ROBO1: variants seen among roughly 807,000 people sequenced by gnomAD.
ROBO1 encodes the protein roundabout homolog 1.
In ROBO1, 149 loss-of-function variants were observed where a neutral mutation model predicts 195.9. The ratio of observed to expected loss-of-function variants is 0.76; its 90% confidence interval spans 0.67 to 0.87. The LOEUF is 0.87. Among genes scored for constraint, ROBO1 ranks in the 40% least tolerant of loss-of-function variants. The pLI is 0.00. For missense variants in ROBO1, 1,933 were observed against 2,068.3 expected, an observed-to-expected ratio of 0.93 and a Z score of 1.27; for synonymous variants, 816 against 733.2, an observed-to-expected ratio of 1.11 and a Z score of -1.82.
At chr3:78,929,664 G>T (rs2039404515) in intron 4 of ROBO1, among the ~76,000 whole-genome samples, 1 of 151,582 alleles carries the variant, frequency 6.6e-6, no homozygotes, top group South Asian at 2.1e-4. Context: ...CACCACGCCC[G>T]GCTAATTTTT....
intron 2 of ROBO1, among the ~76,000 whole-genome samples, chr3:79,288,394 G>A (rs564005950): frequency 2.0e-5 from 3 of 152,114 alleles, no homozygotes; most frequent in African/African-American, 7.2e-5. Flanking sequence ...CACAGTTATT[G>A]AGATGAAAGA....
At chr3:79,097,345 C>T (rs140574297) in intron 3 of ROBO1, among the ~76,000 whole-genome samples, 1 of 151,836 alleles carries the variant, frequency 6.6e-6, no homozygotes, top group Non-Finnish European at 1.5e-5. Flanking sequence ...TTTTTAACTT[C>T]AAAAACTGTT....
intron 3 of ROBO1, among the ~76,000 whole-genome samples, chr3:79,058,052 T>C (rs2078845149): frequency 6.6e-6 from 1 of 151,972 alleles, no homozygotes; most frequent in Admixed American, 6.6e-5. Flanking sequence ...AGCATCTCCC[T>C]TTCTCCTTTA....
Position 79,363,371 on chromosome 3 carries a change from T to G in ROBO1, c.88+226453A>C, listed in dbSNP as rs2035843969. ...CACAAAACATGAAGAAAGAAAGAAA[T>G]GGATGGAACTGTTATCATTTTATCC... On this transcript the variant is annotated intron_variant, in intron 2 of 30. Coordinates refer to ENST00000464233, the MANE Select transcript of ROBO1 (RefSeq NM_002941.4). Among the ~76,000 whole-genome samples the G allele has an allele frequency of 3.3e-5, 5 of 152,194 alleles. No individual in the cohort carries two copies. In the South Asian group the frequency reaches 1.0e-3, roughly 31 times the overall value.
chr3:79,261,145 T>C (rs1299434854), intron 2 of ROBO1, among the ~76,000 whole-genome samples: 2 of 152,094 alleles, frequency 1.3e-5, no homozygotes, highest in African/African-American at 4.8e-5. Context: ...TTAAGGATTA[T>C]CTGACTTTCA....
chr3:79,629,076 C>T (rs1160186946), intron 1 of ROBO1, among the ~76,000 whole-genome samples: 1 of 152,110 alleles, frequency 6.6e-6, no homozygotes, highest in Non-Finnish European at 1.5e-5. Flanking sequence ...CCACTGACAG[C>T]ATTAGACAGA....
chr3:78,955,206 AAACTGTGTGTCATGGGGGTTATACAGGT>A (rs1237581264), intron 3 of ROBO1, among the ~76,000 whole-genome samples: 11 of 145,076 alleles, frequency 7.6e-5, no homozygotes, highest in Admixed American at 4.8e-4. Flanking sequence ...TTATATAGGT[AAACTGTGTGTCATGGGGGTTATACAGGT>A]AAACTGTGTG....
At chr3:79,609,273 G>GAA (rs199647716) in intron 1 of ROBO1, among the ~76,000 whole-genome samples, 1 of 141,434 alleles carries the variant, frequency 7.1e-6, no homozygotes, top group African/African-American at 2.6e-5. Flanking sequence ...AACTTCTAAG[G>GAA]AAAAAAAAAA....
chr3:78,723,174 T>TG (rs1292386230), intron 5 of ROBO1, among the ~76,000 whole-genome samples: 1 of 152,166 alleles, frequency 6.6e-6, no homozygotes, highest in African/African-American at 2.4e-5. Flanking sequence ...GTAAGATCGT[T>TG]TCCAGTGCAT....
At chr3:78,880,842 C>CAGCT (rs1415704836) in intron 4 of ROBO1, among the ~76,000 whole-genome samples, 1 of 152,122 alleles carries the variant, frequency 6.6e-6, no homozygotes, top group Non-Finnish European at 1.5e-5. Flanking sequence ...CAGCCCAAAC[C>CAGCT]AGCTCTGTAT....
At chr3:79,712,010 C>T (rs1187578539) in intron 1 of ROBO1, among the ~76,000 whole-genome samples, 1 of 151,936 alleles carries the variant, frequency 6.6e-6, no homozygotes, top group East Asian at 1.9e-4. Context: ...GACTGCTCCA[C>T]ATACCCAACT....
At chr3:79,247,183 CATAG>C (rs1343260658) in intron 2 of ROBO1, among the ~76,000 whole-genome samples, 1 of 143,856 alleles carries the variant, frequency 7.0e-6, no homozygotes, top group Non-Finnish European at 1.5e-5. Flanking sequence ...AAGCTGTGAA[CATAG>C]ATAGAATTTT....
intron 2 of ROBO1, among the ~76,000 whole-genome samples, chr3:79,206,629 C>T (rs1293388765): frequency 6.6e-6 from 1 of 152,020 alleles, no homozygotes; most frequent in Admixed American, 6.6e-5. Context: ...AGATGGTGTT[C>T]CCTGTTGCTT....
At chr3:78,948,884 C>T (rs562866891) in intron 3 of ROBO1, among the ~76,000 whole-genome samples, 2 of 152,056 alleles carry the variant, frequency 1.3e-5, no homozygotes, top group African/African-American at 4.8e-5. Flanking sequence ...AACAGAGAGC[C>T]AAATCATGAG....
intron 1 of ROBO1, among the ~76,000 whole-genome samples, chr3:79,687,544 C>T (rs1448266226): frequency 6.6e-6 from 1 of 152,022 alleles, no homozygotes; most frequent in Non-Finnish European, 1.5e-5. Context: ...GCAACCCCAT[C>T]AAAAAGTGGG....
At chr3:79,336,315 T>C (rs2034663874) in intron 2 of ROBO1, among the ~76,000 whole-genome samples, 1 of 152,086 alleles carries the variant, frequency 6.6e-6, no homozygotes. Flanking sequence ...GAGGGAAAAA[T>C]GGTTTTGTGG....
chr3:78,768,244 T>G (rs1053112148), intron 4 of ROBO1, among the ~76,000 whole-genome samples: 50 of 152,034 alleles, frequency 3.3e-4, no homozygotes, highest in African/African-American at 8.4e-4. Context: ...GAATTTTTTT[T>G]GGGGGGTGGG....
intron 2 of ROBO1, among the ~76,000 whole-genome samples, chr3:79,487,911 G>A (rs1018535634): frequency 3.9e-5 from 6 of 151,936 alleles, no homozygotes; most frequent in Non-Finnish European, 7.4e-5. Context: ...AACTCTCCAG[G>A]TGTTATAAAA....
chr3:78,821,550 C>T (rs973232795), intron 4 of ROBO1, among the ~76,000 whole-genome samples: 6 of 151,968 alleles, frequency 3.9e-5, no homozygotes, highest in Admixed American at 3.9e-4. Context: ...TTCATTTTTC[C>T]CCTCTAAATT....
Sources: allele counts gnomAD v4.1 joint callset (sites outside exome capture counted in the v4.1 genomes callset), GRCh38; gene constraint gnomAD v4.1.1; transcripts MANE v1.5; gene names NCBI Gene and HGNC (gene_info 2026-07-23, HGNC 2026-07-21).